The following MSL2 variants were observed in gnomAD, a reference collection of about 807,000 sequenced individuals.
MSL2 encodes the protein E3 ubiquitin-protein ligase MSL2.
MSL2 carries 2 observed loss-of-function variants against 35.8 expected under a neutral mutation model. The ratio of observed to expected loss-of-function variants is 0.06; its 90% CI spans 0.02 to 0.18. The LOEUF (loss-of-function observed/expected upper bound fraction) is 0.18, where lower values mean the gene tolerates loss of function less well. Among genes scored for constraint, MSL2 ranks in the 10% least tolerant of loss-of-function variants. The pLI is 1.00. For synonymous variants in MSL2, 296 were observed against 255.7 expected (o/e 1.16, Z -1.50); for missense variants, 523 against 706.7 (o/e 0.74, Z 2.95).
At chr3:136,170,508 C>CTTTT (rs71157363) in intron 1 of MSL2, among the ~76,000 whole-genome samples, 77 of 81,652 alleles carry the variant, frequency 9.4e-4, no homozygotes, top group Non-Finnish European at 1.3e-3. Context: ...AAACTCTGTC[C>CTTTT]TTTTTTTTTT....
chr3:136,190,507 T>C (rs903638752), intron 1 of MSL2, among the ~76,000 whole-genome samples: 1 of 150,362 alleles, frequency 6.7e-6, no homozygotes. Flanking sequence ...ACTGCACCAC[T>C]GCACTCCAGC....
chr3:136,171,827 C>T (rs899602298), intron 1 of MSL2, among the ~76,000 whole-genome samples: 9 of 152,166 alleles, frequency 5.9e-5, no homozygotes, highest in African/African-American at 2.2e-4. Flanking sequence ...TTAATTTTCA[C>T]TAGGTATCAT....
chr3:136,165,819 A>G (rs1291303257), intron 1 of MSL2, among the ~76,000 whole-genome samples: 1 of 152,140 alleles, frequency 6.6e-6, no homozygotes, highest in Non-Finnish European at 1.5e-5. Flanking sequence ...AGTATTTGAT[A>G]GCATAACAGG....
At chr3:136,183,556 T>A (rs1435318778) in intron 1 of MSL2, among the ~76,000 whole-genome samples, 1 of 152,084 alleles carries the variant, frequency 6.6e-6, no homozygotes, top group Non-Finnish European at 1.5e-5. Flanking sequence ...CAAGGGTCTG[T>A]GACTACAGGC....
At chr3:136,193,572 T>C (rs945738448) in intron 1 of MSL2, among the ~76,000 whole-genome samples, 2 of 149,926 alleles carry the variant, frequency 1.3e-5, no homozygotes, top group Non-Finnish European at 3.0e-5. Context: ...CATCAAAATA[T>C]GTGAGGACAT....
chr3:136,195,386 C>G lies in MSL2; in HGVS notation c.-273G>C, dbSNP rs1319029559. The G allele has an allele frequency of 8.5e-7, 1 of 1,178,708 alleles. No homozygotes were observed. The highest frequency in any genetic ancestry group is 1.1e-6 in the Non-Finnish European group (1 of 951,082). The allele number at this position is 1,178,708 out of a possible 1,614,324, so 73.0% of individuals were successfully genotyped here. ...GAGTTCGTCCGGAGCGACCACAGAG[C>G]GCAGAACGCGGCGGCTTGGGCGCTC... On this transcript the variant is annotated 5_prime_UTR_variant, in exon 1 of 2. Transcript: ENST00000309993.
chr3:136,177,680 T>TAAAAAA (rs397738424), intron 1 of MSL2, among the ~76,000 whole-genome samples: 8 of 78,470 alleles, frequency 1.0e-4, no homozygotes, highest in African/African-American at 4.4e-4. Flanking sequence ...CTCCGTCTCA[T>TAAAAAA]AAAAAAAAAA....
chr3:136,180,961 G>A (rs1238233338), intron 1 of MSL2, among the ~76,000 whole-genome samples: 3 of 151,086 alleles, frequency 2.0e-5, no homozygotes, highest in African/African-American at 7.3e-5. Flanking sequence ...ACACTAGCCT[G>A]ACCAATGTAG....
At chr3:136,191,358 C>T (rs1292195418) in intron 1 of MSL2, among the ~76,000 whole-genome samples, 1 of 151,604 alleles carries the variant, frequency 6.6e-6, no homozygotes, top group Non-Finnish European at 1.5e-5. Context: ...TCCCAAGCTA[C>T]TCGGGAAGCT....
In MSL2 at chr3:136,152,654, A is replaced by G; in HGVS notation, c.227T>C (p.Met76Thr). Reference sequence around the variant, plus strand: ...GCACCAGCTACAGGAAGGTTTCATCATCATTTTCTTGCCTTTACAAGTTTT... The same window carrying G: ...GCACCAGCTACAGGAAGGTTTCATCGTCATTTTCTTGCCTTTACAAGTTTT... ...VCKTCKGKKM[M>T]MKPSCSWCKD... The change falls in exon 2 of 2, where the codon ATG (methionine) becomes ACG (threonine). Residue 76 changes from methionine (M) to threonine (T), a missense_variant. Transcript: ENST00000309993. 1 of 1,614,190 alleles carries G rather than the reference A, an allele frequency of 6.2e-7. No homozygotes were observed. The highest frequency in any genetic ancestry group is 8.5e-7 in the Non-Finnish European group (1 of 1,180,034).
chr3:136,195,494 C>T lies in MSL2; in HGVS notation c.-381G>A. 1 of 1,014,842 alleles carries T rather than the reference C, an allele frequency of 9.9e-7. No homozygotes were observed. The highest frequency in any genetic ancestry group is 1.7e-5 in the African/African-American group (1 of 57,750). 62.9% of individuals were successfully genotyped at this position (1,014,842 alleles called of 1,614,324 possible). A position where few individuals can be genotyped will look rare whatever the true frequency, so the allele number is the denominator to read the frequency against. ...GCTCCATCTCCGGACACGGAGGCGCCTCCTCAAGTCGAGCTGGCAGGCGCG... is the reference window on the plus strand; with the variant it reads ...GCTCCATCTCCGGACACGGAGGCGCTTCCTCAAGTCGAGCTGGCAGGCGCG... On this transcript the variant is annotated 5_prime_UTR_variant, in exon 1 of 2. Transcript: ENST00000309993.
At chr3:136,173,978 G>A (rs543078775) in intron 1 of MSL2, among the ~76,000 whole-genome samples, 1 of 152,074 alleles carries the variant, frequency 6.6e-6, no homozygotes, top group South Asian at 2.1e-4. Context: ...TGCCTTGCAT[G>A]GTCAATTCTT....
At chr3:136,160,485 C>G (rs1287168761) in intron 1 of MSL2, among the ~76,000 whole-genome samples, 1 of 149,390 alleles carries the variant, frequency 6.7e-6, no homozygotes, top group Non-Finnish European at 1.5e-5. Context: ...TTCGGAAGGC[C>G]GAGGCGGGCA....
At chr3:136,179,136 T>C (rs1347413229) in intron 1 of MSL2, among the ~76,000 whole-genome samples, 1 of 151,914 alleles carries the variant, frequency 6.6e-6, no homozygotes, top group Non-Finnish European at 1.5e-5. Flanking sequence ...AGTCTTAGTG[T>C]AATGGTCATA....
At chr3:136,158,939 G>T (rs986366484) in intron 1 of MSL2, among the ~76,000 whole-genome samples, 1 of 152,278 alleles carries the variant, frequency 6.6e-6, no homozygotes, top group East Asian at 1.9e-4. Flanking sequence ...AAACACAGCT[G>T]AAAGAAATTA....
intron 1 of MSL2, among the ~76,000 whole-genome samples, chr3:136,167,109 T>C (rs929681279): frequency 6.6e-6 from 1 of 152,256 alleles, no homozygotes; most frequent in South Asian, 2.1e-4. Context: ...TTAGCAAAAT[T>C]TGTTAACAAC....
chr3:136,182,554 G>T (rs1016786695), intron 1 of MSL2, among the ~76,000 whole-genome samples: 2 of 152,270 alleles, frequency 1.3e-5, no homozygotes. Context: ...TGGATTGAGG[G>T]GGGTGGGGGA....
At chr3:136,162,736 ATC>A (rs1559961085) in intron 1 of MSL2, among the ~76,000 whole-genome samples, 2 of 152,310 alleles carry the variant, frequency 1.3e-5, no homozygotes, top group Admixed American at 1.3e-4. Context: ...GTTACATGAA[ATC>A]TCTGAAAACC....
At chr3:136,180,563 G>A (rs187550488) in intron 1 of MSL2, among the ~76,000 whole-genome samples, 83 of 151,404 alleles carry the variant, frequency 5.5e-4, no homozygotes, top group African/African-American at 1.8e-3. Flanking sequence ...AGCCGGGCAC[G>A]GAGGCTGGCA....
Sources: gnomAD v4.1 joint callset for allele counts (sites outside exome capture counted in the v4.1 genomes callset) on GRCh38, gnomAD v4.1.1 for gene constraint, MANE v1.5 for transcripts, NCBI Gene and HGNC (gene_info 2026-07-23, HGNC 2026-07-21) for gene names.